Variants in STK10 observed in about 807,000 individuals in gnomAD.
STK10 encodes the protein serine/threonine kinase 10, also known as serine/threonine-protein kinase 10.
Under a neutral mutation model 113.8 loss-of-function variants are expected in STK10, and 78 were observed. The ratio of observed to expected loss-of-function variants is 0.69; its 90% CI spans 0.57 to 0.83. STK10 has a LOEUF of 0.83. Among genes scored for constraint, STK10 ranks in the 40% least tolerant of loss-of-function variants. STK10 has a pLI of 0.00. For synonymous variants in STK10, 465 were observed against 494.7 expected, an observed-to-expected ratio of 0.94 and a Z score of 0.80; for missense variants, 1,109 against 1,280.1, an observed-to-expected ratio of 0.87 and a Z score of 2.04.
At position 172,096,570 on chromosome 5, in the gene STK10, C is replaced by T; in HGVS notation, c.871-10G>A. On this transcript the variant is annotated splice_polypyrimidine_tract_variant and intron_variant, in intron 7 of 18. Transcript: ENST00000176763. ...TGCTGACGAAGGGATGCTGAGGGGG[C>T]AAGATGCACCCAGATTAGAACCACT... The T allele has an allele frequency of 6.2e-7, 1 of 1,612,278 alleles. No individual in the cohort carries two copies. The highest frequency in any genetic ancestry group is 8.5e-7 in the Non-Finnish European group (1 of 1,179,956).
At chr5:172,049,253 G>A (rs760744669) in intron 18 of STK10, among the ~76,000 whole-genome samples, 6 of 152,096 alleles carry the variant, frequency 3.9e-5, no homozygotes, top group East Asian at 1.9e-4. Context: ...ATACACAAAC[G>A]AATGAACCAT....
intron 2 of STK10, among the ~76,000 whole-genome samples, chr5:172,149,518 G>GTC (rs1373358712): frequency 9.6e-5 from 14 of 146,320 alleles, no homozygotes; most frequent in African/African-American, 2.4e-4. Context: ...GTGTGTGTGT[G>GTC]TGTCTGTGTG....
chr5:172,058,458 G>A (rs982742982), intron 14 of STK10, among the ~76,000 whole-genome samples: 1 of 152,190 alleles, frequency 6.6e-6, no homozygotes, highest in Non-Finnish European at 1.5e-5. Context: ...GCCTGGATGA[G>A]GCCTGTTTTA....
At chr5:172,047,906 T>TG (rs1767528119) in intron 18 of STK10, among the ~76,000 whole-genome samples, 3 of 146,144 alleles carry the variant, frequency 2.1e-5, no homozygotes, top group Admixed American at 2.0e-4. Flanking sequence ...TGGGTTTTTT[T>TG]TTTTTTTTTT....
chr5:172,136,335 G>A (rs551211440), intron 2 of STK10, among the ~76,000 whole-genome samples: 6 of 152,286 alleles, frequency 3.9e-5, no homozygotes, highest in African/African-American at 1.4e-4. Flanking sequence ...AGTGGCTCAC[G>A]CCTGTCATCC....
intron 2 of STK10, among the ~76,000 whole-genome samples, chr5:172,141,312 C>A (rs1384618698): frequency 1.3e-5 from 2 of 152,186 alleles, no homozygotes; most frequent in African/African-American, 2.4e-5. Context: ...CGCGGTGGCT[C>A]ATGCCTGTAA....
At chr5:172,125,811 A>G (rs1769607147) in intron 3 of STK10, among the ~76,000 whole-genome samples, 1 of 152,186 alleles carries the variant, frequency 6.6e-6, no homozygotes, top group Non-Finnish European at 1.5e-5. Context: ...TGAAGTTTTT[A>G]TATTTCTCAA....
chr5:172,090,674 C>T (rs560230561), intron 9 of STK10, among the ~76,000 whole-genome samples: 41 of 152,020 alleles, frequency 2.7e-4, no homozygotes, highest in African/African-American at 8.9e-4. Context: ...CGGTGGCTTA[C>T]GCTTGTAATC....
chr5:172,047,751 G>C (rs1005258281), intron 18 of STK10, among the ~76,000 whole-genome samples: 1 of 152,202 alleles, frequency 6.6e-6, no homozygotes, highest in Non-Finnish European at 1.5e-5. Flanking sequence ...ATGAGATTAA[G>C]AGTAACTTGG....
intron 7 of STK10, among the ~76,000 whole-genome samples, chr5:172,098,887 T>A (rs1445488279): frequency 6.6e-6 from 1 of 150,982 alleles, no homozygotes; most frequent in African/African-American, 2.4e-5. Context: ...CATCATCACC[T>A]TCACCACCAT....
rs1332706018 is a variant in STK10 at position 172,149,009 on chromosome 5, A to G, written c.321+7615T>C. 4.6e-5 allele frequency among the ~76,000 whole-genome samples: 7 copies of G among 152,330 alleles called. No individual in the cohort carries two copies. In the East Asian group the frequency reaches 1.2e-3, roughly 25 times the overall value. On this transcript the variant is annotated intron_variant, in intron 2 of 18. Transcript: ENST00000176763. Reference sequence around the variant, plus strand: ...GAGACCAGCCCTGTCTCTACAAAAAATACAAAAATTGTCTGGGTGTGGTGG... The same window carrying G: ...GAGACCAGCCCTGTCTCTACAAAAAGTACAAAAATTGTCTGGGTGTGGTGG...
In STK10 at chr5:172,090,350, A is replaced by G; in HGVS notation, c.1567T>C (p.Tyr523His). Residue 523 changes from tyrosine to histidine, a missense_variant, in exon 10 of 19, where the codon TAC becomes CAC. By Grantham distance (83) the Tyr-to-His change is moderately conservative. Around this residue, in one of 5 missense-constraint regions of STK10, gnomAD observed 885 missense variants for 991.1 expected, o/e 0.89. Coordinates refer to ENST00000176763, the MANE Select transcript of STK10 (RefSeq NM_005990.4). ...GSLSIKDPKL[Y>H]KKTLKRTRKF... is the part of the protein sequence containing the mutation. ...CGTGTCCGCTTGAGGGTTTTTTTGT[A>G]CAGTTTCGGGTCCTGGCCAGGGAAA... is the stretch of plus-strand genomic sequence containing the variant. 1.9e-6 allele frequency: 3 copies of G among 1,613,668 alleles called. No homozygotes were observed. The highest frequency in any genetic ancestry group is 2.2e-5 in the South Asian group (2 of 91,012).
rs142406103 is a variant in STK10 at position 172,050,080 on chromosome 5, G to A, written c.2766+2849C>T. On this transcript the variant is annotated intron_variant, in intron 18 of 18. Transcript: ENST00000176763. ...GGCCTCCCAAAGTGCTGGGATTACA[G>A]GTGTGAGCCACCATGCCAGGCCCAC... is the stretch of plus-strand genomic sequence containing the variant. Among the ~76,000 whole-genome samples the A allele has an allele frequency of 8.2e-3, 1,242 of 152,352 alleles. 13 individuals are homozygous for A. The highest frequency in any genetic ancestry group is 9.9e-3 in the Non-Finnish European group (674 of 68,034).
intron 7 of STK10, among the ~76,000 whole-genome samples, chr5:172,103,828 G>C (rs1052478791): frequency 1.3e-5 from 2 of 152,102 alleles, no homozygotes; most frequent in Admixed American, 1.3e-4. Flanking sequence ...TAAGCTAAGC[G>C]CTTCATAGTA....
chr5:172,148,358 G>A (rs1770130198), intron 2 of STK10, among the ~76,000 whole-genome samples: 1 of 152,182 alleles, frequency 6.6e-6, no homozygotes, highest in South Asian at 2.1e-4. Context: ...CTAATGCAGG[G>A]GAAGGACAAG....
chr5:172,166,021 G>A (rs992442100), intron 1 of STK10, among the ~76,000 whole-genome samples: 12 of 152,200 alleles, frequency 7.9e-5, no homozygotes, highest in Non-Finnish European at 1.2e-4. Flanking sequence ...TCGAACTCCC[G>A]ACCTCAAGTG....
chr5:172,055,380 G>A (rs1767724886), intron 16 of STK10, among the ~76,000 whole-genome samples: 1 of 152,004 alleles, frequency 6.6e-6, no homozygotes, highest in Non-Finnish European at 1.5e-5. Context: ...TGTAGAGATG[G>A]GGTTTTGCTG....
chr5:172,094,684 A>C (rs1768807686), intron 8 of STK10, among the ~76,000 whole-genome samples: 1 of 152,194 alleles, frequency 6.6e-6, no homozygotes, highest in African/African-American at 2.4e-5. Flanking sequence ...GCACCCAGCC[A>C]AACCTTCCAA....
At chr5:172,097,255 G>A (rs1028403568) in intron 7 of STK10, among the ~76,000 whole-genome samples, 2 of 152,138 alleles carry the variant, frequency 1.3e-5, no homozygotes, top group Non-Finnish European at 2.9e-5. Context: ...GGCCAGGCTG[G>A]TCTCAAACTC....
Sources: gnomAD v4.1 joint callset for allele counts (sites outside exome capture counted in the v4.1 genomes callset) on GRCh38, gnomAD v4.1.1 for gene constraint, gnomAD v4.1.1 regional missense constraint, MANE v1.5 for transcripts, NCBI Gene and HGNC (gene_info 2026-07-23, HGNC 2026-07-21) for gene names.